GK: variants seen among roughly 807,000 people sequenced by gnomAD.
GK encodes the protein ATP:glycerol 3-phosphotransferase.
GK carries 9 observed loss-of-function variants against 56.4 expected under a neutral mutation model. That is an observed-to-expected ratio of 0.16 (90% confidence interval 0.10 to 0.28). The LOEUF (loss-of-function observed/expected upper bound fraction) is 0.28, where lower values mean the gene tolerates loss of function less well. Among genes scored for constraint, GK ranks in the 10% least tolerant of loss-of-function variants. GK has a pLI of 1.00. For synonymous variants in GK, 104 were observed against 144.1 expected, an observed-to-expected ratio of 0.72 and a Z score of 1.99; for missense variants, 161 against 431.4, an observed-to-expected ratio of 0.37 and a Z score of 5.55.
intron 1 of GK, among the ~76,000 whole-genome samples, chrX:30,661,673 C>T (rs1932762552): frequency 9.0e-6 from 1 of 111,385 alleles, no homozygotes; most frequent in African/African-American, 3.3e-5. Flanking sequence ...TGTCCTTTCT[C>T]CTCTTCATAG....
At position 30,674,717 on chromosome X, in the gene GK, A is replaced by G. The variant is rs934544481; in HGVS notation, c.260-2658A>G. On this transcript the variant is annotated intron_variant, in intron 3 of 20. Coordinates refer to ENST00000427190, the MANE Select transcript of GK (RefSeq NM_001205019.2). Reference sequence around the variant, plus strand: ...ATAAACTTTTAGATACAGAGGGTACATGTGCAGGTTTGTTATGTAGGTATA... The same window carrying G: ...ATAAACTTTTAGATACAGAGGGTACGTGTGCAGGTTTGTTATGTAGGTATA... Among the ~76,000 whole-genome samples, 3 of 111,276 alleles carry G rather than the reference A, an allele frequency of 2.7e-5. No individual in the cohort carries two copies. In the Admixed American group the frequency reaches 2.9e-4, roughly 11 times the overall value.
chrX:30,697,359 A>T (rs965414669), intron 8 of GK, among the ~76,000 whole-genome samples: 3 of 112,171 alleles, frequency 2.7e-5, no homozygotes, highest in Non-Finnish European at 5.6e-5. Flanking sequence ...CTGATAAATT[A>T]CAAAAAGTAT....
At position 30,684,241 on chromosome X, in the gene GK, G is replaced by A. The variant is rs961009103; in HGVS notation, c.337+6789G>A. Among the ~76,000 whole-genome samples, 3 of 112,252 alleles carry A rather than the reference G, an allele frequency of 2.7e-5. No homozygotes were observed. In the Admixed American group the frequency reaches 2.8e-4, roughly 11 times the overall value. ...CTGTCCAAACTAGAATGGCCTAGCT[G>A]TATTTCCCCCTAATTGGCCAAGTTT... On this transcript the variant is annotated intron_variant, in intron 4 of 20. Transcript: ENST00000427190.
chrX:30,726,743 G>A (rs919239999), intron 19 of GK, among the ~76,000 whole-genome samples: 47 of 111,154 alleles, frequency 4.2e-4, no homozygotes, highest in African/African-American at 1.5e-3. Flanking sequence ...TATGATAATA[G>A]CAATATAGAT....
chrX:30,721,143 G>A (rs1300735158), intron 18 of GK, 148 bp downstream of exon 18: 1 of 555,972 alleles, frequency 1.8e-6, no homozygotes, highest in African/African-American at 2.3e-5. Flanking sequence ...AGCATATTGG[G>A]CTTTACTGAA....
rs926549605 is a variant in GK, at chrX:30,681,136, CAG to C, written c.337+3686_337+3687del. Among the ~76,000 whole-genome samples the C allele has an allele frequency of 1.6e-4, 18 of 111,753 alleles. 1 individual carries two copies. The highest frequency in any genetic ancestry group is 5.9e-4 in the African/African-American group (18 of 30,731). On this transcript the variant is annotated intron_variant, in intron 4 of 20. Transcript: ENST00000427190. ...AAAACAAAACGTGACTGAAAAGCAA[CAG>C]AAACAAGTGACATTAGAAACAGACT...
intron 2 of GK, among the ~76,000 whole-genome samples, chrX:30,666,651 A>T (rs1933097800): frequency 1.8e-5 from 2 of 112,064 alleles, no homozygotes; most frequent in East Asian, 5.6e-4. Context: ...AAAAAAATTG[A>T]TGTGTTTCTA....
intron 5 of GK, among the ~76,000 whole-genome samples, chrX:30,693,872 T>C (rs779209561): frequency 1.8e-5 from 2 of 111,990 alleles, no homozygotes; most frequent in South Asian, 7.3e-4. Flanking sequence ...ATTTGGCATG[T>C]CTTTGAGCTC....
chrX:30,714,822 G>A (rs1384658902), intron 13 of GK, among the ~76,000 whole-genome samples: 4 of 111,924 alleles, frequency 3.6e-5, no homozygotes, highest in Non-Finnish European at 7.5e-5. Context: ...CTTTTATAAT[G>A]TTCTTTCTTG....
At chrX:30,716,666 C>T (rs1309943843) in intron 13 of GK, among the ~76,000 whole-genome samples, 3 of 111,855 alleles carry the variant, frequency 2.7e-5, no homozygotes, top group Non-Finnish European at 1.9e-5. Flanking sequence ...TCTGAATTGT[C>T]TGTTTCCAAA....
At chrX:30,668,378 G>C (rs1045642543) in intron 3 of GK, among the ~76,000 whole-genome samples, 11 of 112,414 alleles carry the variant, frequency 9.8e-5, no homozygotes, top group African/African-American at 3.5e-4. Context: ...CAAGTGGTAT[G>C]GTGGGTTTTG....
rs1471252417 is a variant in GK at position 30,729,124 on chromosome X, C to T, written c.*382C>T. On this transcript the variant is annotated 3_prime_UTR_variant, in exon 21 of 21. Transcript: ENST00000427190. ...TTTTGGACCAGGATTTGAGTCTCTG[C>T]ATGACATATACTTGATTAAAAGGTT... The T allele has an allele frequency of 5.0e-5, 10 of 200,837 alleles. No homozygotes were observed. The highest frequency in any genetic ancestry group is 7.3e-5 in the Non-Finnish European group (8 of 110,064). 16.6% of individuals were successfully genotyped at this position (200,837 alleles called of 1,213,427 possible).
At position 30,728,712 on chromosome X, in the gene GK, G is replaced by GT. The variant is rs1937244170; in HGVS notation, c.1670-15dup. The GT allele has an allele frequency of 1.8e-6, 2 of 1,113,052 alleles. No homozygotes were observed. Among genetic ancestry groups the GT allele is most frequent in the Non-Finnish European group, 2.5e-6 (2 of 806,238 alleles). 91.7% of individuals were successfully genotyped at this position (1,113,052 alleles called of 1,213,427 possible). A position where few individuals can be genotyped will look rare whatever the true frequency, so the allele number is the denominator to read the frequency against. On this transcript the variant is annotated intron_variant, in intron 20 of 20. Transcript: ENST00000427190. ...TATGCATGTATTATTGACATATATG[G>GT]TTTTTGTTCCCCATTTCAGGTATTC...
chrX:30,728,712 G>A lies in GK; in HGVS notation c.1670-20G>A. The A allele has an allele frequency of 9.0e-7, 1 of 1,113,055 alleles. No homozygotes were observed. The highest frequency in any genetic ancestry group is 1.2e-6 in the Non-Finnish European group (1 of 806,241). 91.7% of individuals were successfully genotyped at this position (1,113,055 alleles called of 1,213,427 possible). ...TATGCATGTATTATTGACATATATG[G>A]TTTTTGTTCCCCATTTCAGGTATTC... On this transcript the variant is annotated intron_variant, in intron 20 of 20. Transcript: ENST00000427190.
intron 6 of GK, 70 bp downstream of exon 6, chrX:30,694,607 T>C (rs748074895): frequency 1.0e-4 from 91 of 895,678 alleles, no homozygotes; most frequent in Non-Finnish European, 1.4e-4. Context: ...TTGCCTATTG[T>C]TTCTACTAGC....
At chrX:30,691,798 C>G (rs190687672) in intron 5 of GK, among the ~76,000 whole-genome samples, 1 of 110,779 alleles carries the variant, frequency 9.0e-6, no homozygotes, top group Admixed American at 9.7e-5. Flanking sequence ...CCTATTTTTT[C>G]TACTGCCCAT....
chrX:30,684,537 G>A (rs1934472598), intron 4 of GK, among the ~76,000 whole-genome samples: 1 of 109,788 alleles, frequency 9.1e-6, no homozygotes, highest in Non-Finnish European at 1.9e-5. Context: ...GTGGTAGCGC[G>A]TGCCTGTAAT....
At chrX:30,713,834 T>G (rs984865483) in intron 13 of GK, among the ~76,000 whole-genome samples, 1 of 112,001 alleles carries the variant, frequency 8.9e-6, no homozygotes, top group Non-Finnish European at 1.9e-5. Flanking sequence ...AAAATCCTTT[T>G]GGGAACTTTT....
chrX:30,711,302 A>G (rs750735708), intron 13 of GK, among the ~76,000 whole-genome samples: 19 of 111,193 alleles, frequency 1.7e-4, no homozygotes, highest in African/African-American at 5.2e-4. Context: ...GATGTTGATG[A>G]GACCTCTGCT....
Sources: gnomAD v4.1 joint callset for allele counts (sites outside exome capture counted in the v4.1 genomes callset) on GRCh38, gnomAD v4.1.1 for gene constraint, MANE v1.5 for transcripts, NCBI Gene and HGNC (gene_info 2026-07-23, HGNC 2026-07-21) for gene names.